HORMAD2: variants seen among roughly 807,000 people sequenced by gnomAD.
HORMAD2 encodes HORMA domain-containing protein 2.
HORMAD2 carries 45 observed loss-of-function variants against 38.8 expected under a neutral mutation model. The observed-to-expected ratio is 1.16, with a 90% confidence interval of 0.91 to 1.49. The LOEUF is 1.49. Among genes scored for constraint, HORMAD2 ranks in the 40% most tolerant of loss-of-function variants. The probability of loss-of-function intolerance (pLI) is 0.00; values close to 1 mark genes in which losing one functional copy is unlikely to be tolerated. For missense variants in HORMAD2, 338 were observed against 367.0 expected, an observed-to-expected ratio of 0.92 and a Z score of 0.65; for synonymous variants, 126 against 122.8, an observed-to-expected ratio of 1.03 and a Z score of -0.17.
At chr22:30,126,895 G>A (rs570469160) in intron 10 of HORMAD2, among the ~76,000 whole-genome samples, 2 of 152,122 alleles carry the variant, frequency 1.3e-5, no homozygotes, top group South Asian at 4.2e-4. Context: ...GGTGTGCTGT[G>A]GTATGTCATT....
chr22:30,092,680 A>G (rs1347742744), intron 1 of HORMAD2, among the ~76,000 whole-genome samples: 1 of 152,092 alleles, frequency 6.6e-6, no homozygotes, highest in Non-Finnish European at 1.5e-5. Context: ...ATGGTGAGAG[A>G]CAGGGGTCTC....
At chr22:30,123,598 G>T (rs1922613220) in intron 10 of HORMAD2, among the ~76,000 whole-genome samples, 1 of 152,060 alleles carries the variant, frequency 6.6e-6, no homozygotes, top group Non-Finnish European at 1.5e-5. Context: ...ACCTCCCAAA[G>T]TGCTGGGATT....
At chr22:30,098,349 A>G (rs1920924073) in intron 2 of HORMAD2, among the ~76,000 whole-genome samples, 2 of 152,212 alleles carry the variant, frequency 1.3e-5, no homozygotes, top group South Asian at 4.1e-4. Flanking sequence ...TGAGACAGAT[A>G]TGTACGGATA....
chr22:30,201,006 T>C, the HORMAD2 span, among the ~76,000 whole-genome samples: 1 of 152,106 alleles, frequency 6.6e-6, no homozygotes, highest in Non-Finnish European at 1.5e-5. Context: ...CACCTCGGCC[T>C]CCCAAAGTGC....
chr22:30,099,100 C>T (rs1276903869), intron 3 of HORMAD2, 107 bp downstream of exon 3: 11 of 941,532 alleles, frequency 1.2e-5, no homozygotes, highest in Non-Finnish European at 1.6e-5. Context: ...ACTTAAGGGC[C>T]TGTTCTTCAA....
At chr22:30,107,156 C>T (rs1921261355) in intron 5 of HORMAD2, among the ~76,000 whole-genome samples, 1 of 152,176 alleles carries the variant, frequency 6.6e-6, no homozygotes, top group South Asian at 2.1e-4. Context: ...TGTGATTCCA[C>T]TCCCAGGGAG....
intron 1 of HORMAD2, among the ~76,000 whole-genome samples, chr22:30,084,293 A>C (rs2068532478): frequency 6.6e-6 from 1 of 152,186 alleles, no homozygotes; most frequent in Non-Finnish European, 1.5e-5. Context: ...TCACCTGGTA[A>C]GACAGAGAGA....
chr22:30,138,800 T>G (rs1923848208), intron 10 of HORMAD2, among the ~76,000 whole-genome samples: 1 of 152,216 alleles, frequency 6.6e-6, no homozygotes. Flanking sequence ...TCATTGCAGG[T>G]ATATAGAAAT....
At chr22:30,200,034 A>G in the HORMAD2 span, among the ~76,000 whole-genome samples, 1 of 152,140 alleles carries the variant, frequency 6.6e-6, no homozygotes, top group African/African-American at 2.4e-5. Flanking sequence ...CTCCTGCCTC[A>G]GCCTCCCGAG....
chr22:30,088,153 A>G (rs1001664878), intron 1 of HORMAD2, among the ~76,000 whole-genome samples: 2 of 151,408 alleles, frequency 1.3e-5, no homozygotes, highest in Non-Finnish European at 2.9e-5. Flanking sequence ...ACACATATGT[A>G]TACACGTATA....
chr22:30,170,729 A>G (rs944624638), intron 10 of HORMAD2, among the ~76,000 whole-genome samples: 6 of 152,088 alleles, frequency 3.9e-5, no homozygotes, highest in South Asian at 2.1e-4. Flanking sequence ...ACCCAGCTCA[A>G]TGTCTCTCTT....
intron 1 of HORMAD2, among the ~76,000 whole-genome samples, chr22:30,088,005 A>G (rs113861628): frequency 0.1 from 14,973 of 143,214 alleles, 777 homozygotes; most frequent in Middle Eastern, 0.15. Flanking sequence ...ATACACACAC[A>G]TACATATATA....
intron 10 of HORMAD2, among the ~76,000 whole-genome samples, chr22:30,135,705 A>G (rs1923604121): frequency 6.6e-6 from 1 of 152,200 alleles, no homozygotes; most frequent in African/African-American, 2.4e-5. Flanking sequence ...CAGAACATTC[A>G]ATAGAGACTC....
At chr22:30,142,826 A>C (rs146051267) in intron 10 of HORMAD2, among the ~76,000 whole-genome samples, 1 of 151,834 alleles carries the variant, frequency 6.6e-6, no homozygotes, top group African/African-American at 2.4e-5. Flanking sequence ...TTTTTTCACT[A>C]TTTTTTTGAA....
chr22:30,135,742 G>A (rs1923608189), intron 10 of HORMAD2, among the ~76,000 whole-genome samples: 1 of 152,130 alleles, frequency 6.6e-6, no homozygotes, highest in Non-Finnish European at 1.5e-5. Context: ...TAGCAGTAGA[G>A]CTAAACCAAA....
intron 5 of HORMAD2, among the ~76,000 whole-genome samples, chr22:30,106,149 T>C (rs111976091): frequency 6.6e-6 from 1 of 152,102 alleles, no homozygotes; most frequent in African/African-American, 2.4e-5. Flanking sequence ...TAGCTGAGAT[T>C]ACAGAAATGC....
At chr22:30,108,913 G>T (rs574448715) in intron 5 of HORMAD2, among the ~76,000 whole-genome samples, 1 of 149,342 alleles carries the variant, frequency 6.7e-6, no homozygotes, top group Admixed American at 6.7e-5. Context: ...TCTTTCTCTC[G>T]CTCTCTCTTT....
chr22:30,136,502 A>G (rs1464258785), intron 10 of HORMAD2, among the ~76,000 whole-genome samples: 1 of 151,978 alleles, frequency 6.6e-6, no homozygotes, highest in East Asian at 1.9e-4. Flanking sequence ...TCATTAATCT[A>G]TTTTCTGTCT....
At chr22:30,191,176 G>T in the HORMAD2 span, among the ~76,000 whole-genome samples, 5 of 152,190 alleles carry the variant, frequency 3.3e-5, no homozygotes, top group African/African-American at 9.7e-5. Context: ...TACTCATGAA[G>T]AAGAAGCCAA....
Sources: gnomAD v4.1 joint callset for allele counts (sites outside exome capture counted in the v4.1 genomes callset) on GRCh38, gnomAD v4.1.1 for gene constraint, MANE v1.5 for transcripts, NCBI Gene and HGNC (gene_info 2026-07-23, HGNC 2026-07-21) for gene names.